SLC14A2: variants seen among roughly 807,000 people sequenced by gnomAD.
The protein encoded by SLC14A2 is urea transporter 2.
Under a neutral mutation model 104.6 loss-of-function variants are expected in SLC14A2, and 91 were observed. The ratio of observed to expected loss-of-function variants is 0.87; its 90% CI spans 0.73 to 1.04. SLC14A2 has a LOEUF of 1.04. Among genes scored for constraint, SLC14A2 ranks in the 50% least tolerant of loss-of-function variants. The pLI is 0.00. For missense variants in SLC14A2, 1,189 were observed against 1,156.0 expected (o/e 1.03, Z -0.41); for synonymous variants, 476 against 466.4 (o/e 1.02, Z -0.27).
At chr18:45,436,659 C>T (rs931548534) in intron 1 of SLC14A2, 2 of 152,090 alleles carry the variant, frequency 1.3e-5, no homozygotes, top group African/African-American at 2.4e-5. Context: ...ATTTTTGTTC[C>T]ATCACAGTGA....
chr18:45,663,506 A>T (rs1314281437), intron 10 of SLC14A2, among the ~76,000 whole-genome samples: 1 of 152,240 alleles, frequency 6.6e-6, no homozygotes, highest in Non-Finnish European at 1.5e-5. Context: ...AATGGGTCTT[A>T]GAGTGCTTCC....
intron 2 of SLC14A2, chr18:45,529,648 C>T (rs2043651269): frequency 6.6e-6 from 1 of 152,120 alleles, no homozygotes; most frequent in Non-Finnish European, 1.5e-5. Context: ...AGGCCCAAGA[C>T]TTAGGGTTGA....
chr18:45,499,991 C>T (rs977879175), intron 2 of SLC14A2, among the ~76,000 whole-genome samples: 4 of 152,134 alleles, frequency 2.6e-5, no homozygotes, highest in Admixed American at 1.3e-4. Context: ...CTATGCCTGA[C>T]GATAGAGCAT....
chr18:45,192,933 G>A, the SLC14A2 span, among the ~76,000 whole-genome samples: 1 of 151,902 alleles, frequency 6.6e-6, no homozygotes, highest in Non-Finnish European at 1.5e-5. Context: ...GGGATTATAG[G>A]CATGAACCAC....
At chr18:45,543,527 C>T (rs2043921660) in intron 2 of SLC14A2, among the ~76,000 whole-genome samples, 1 of 152,096 alleles carries the variant, frequency 6.6e-6, no homozygotes, top group African/African-American at 2.4e-5. Context: ...ATAAGTTTGT[C>T]CTTTGGAAAG....
chr18:45,270,590 G>T (rs1436769174), intron 1 of SLC14A2, among the ~76,000 whole-genome samples: 1 of 152,094 alleles, frequency 6.6e-6, no homozygotes, highest in Non-Finnish European at 1.5e-5. Context: ...GAACCCAGTT[G>T]TGCTTAGTTC....
intron 1 of SLC14A2, 85 bp from the exon 2 acceptor site, chr18:45,624,545 CA>C (rs2045229451): frequency 1.0e-6 from 1 of 963,358 alleles, no homozygotes; most frequent in Admixed American, 2.4e-5. Context: ...ACCCCCAGGA[CA>C]GACCTGAGGT....
chr18:45,591,926 G>T (rs911942034), intron 2 of SLC14A2, among the ~76,000 whole-genome samples: 1 of 152,222 alleles, frequency 6.6e-6, no homozygotes, highest in African/African-American at 2.4e-5. Context: ...TGGTAGACAT[G>T]GGGAAGCATG....
intron 1 of SLC14A2, among the ~76,000 whole-genome samples, chr18:45,262,305 A>G (rs921523862): frequency 6.6e-6 from 1 of 152,316 alleles, no homozygotes; most frequent in African/African-American, 2.4e-5. Flanking sequence ...GCTGGTCAGC[A>G]GTGGAATAGG....
chr18:45,656,629 G>A (rs17732049), intron 10 of SLC14A2, among the ~76,000 whole-genome samples: 49,193 of 152,022 alleles, frequency 0.32, 9,665 homozygotes, highest in Non-Finnish European at 0.43. Context: ...AAGTCATTCT[G>A]GAGAAAAATC....
intron 1 of SLC14A2, among the ~76,000 whole-genome samples, chr18:45,452,158 G>A (rs572507140): frequency 7.5e-4 from 114 of 152,322 alleles, no homozygotes; most frequent in Non-Finnish European, 1.4e-3. Flanking sequence ...GATCCTGGAT[G>A]AGAGGCAAGA....
chr18:45,576,504 C>T (rs536648053), intron 2 of SLC14A2, among the ~76,000 whole-genome samples: 1 of 151,884 alleles, frequency 6.6e-6, no homozygotes, highest in African/African-American at 2.4e-5. Flanking sequence ...AGGCTGGTCT[C>T]GAACTCCTGA....
chr18:45,290,574 C>G (rs959487703), intron 1 of SLC14A2, among the ~76,000 whole-genome samples: 1 of 152,154 alleles, frequency 6.6e-6, no homozygotes, highest in Non-Finnish European at 1.5e-5. Context: ...ACAGTAGGTA[C>G]CAGCCCCATG....
chr18:45,606,163 T>C (rs1221258132), intron 2 of SLC14A2, among the ~76,000 whole-genome samples: 1 of 152,130 alleles, frequency 6.6e-6, no homozygotes, highest in Non-Finnish European at 1.5e-5. Flanking sequence ...CTGGGCTATT[T>C]GAAATCCTTA....
intron 16 of SLC14A2, among the ~76,000 whole-genome samples, chr18:45,670,556 T>C (rs560935944): frequency 1.2e-4 from 19 of 152,336 alleles, no homozygotes; most frequent in South Asian, 2.1e-4. Flanking sequence ...GATGCCTCGT[T>C]TCTCTTAGCT....
At chr18:45,472,698 C>A (rs2087274336) in intron 1 of SLC14A2, among the ~76,000 whole-genome samples, 1 of 152,068 alleles carries the variant, frequency 6.6e-6, no homozygotes, top group Non-Finnish European at 1.5e-5. Context: ...CTGTCCATAT[C>A]CTTCGCCCAT....
chr18:45,291,941 C>T (rs2084873996), intron 1 of SLC14A2, among the ~76,000 whole-genome samples: 1 of 152,156 alleles, frequency 6.6e-6, no homozygotes, highest in African/African-American at 2.4e-5. Flanking sequence ...AGGTTCCCAT[C>T]TTGGCATGTG....
At chr18:45,175,094 C>G in the SLC14A2 span, among the ~76,000 whole-genome samples, 4 of 152,064 alleles carry the variant, frequency 2.6e-5, no homozygotes, top group Admixed American at 2.6e-4. Flanking sequence ...ATGCAAATAC[C>G]CTTTGACCTG....
intron 1 of SLC14A2, among the ~76,000 whole-genome samples, chr18:45,382,582 C>T (rs929212269): frequency 9.2e-5 from 14 of 152,162 alleles, no homozygotes; most frequent in Admixed American, 6.5e-5. Context: ...GATTTCCTAT[C>T]CTGAATTATA....
Sources: allele counts gnomAD v4.1 joint callset (sites outside exome capture counted in the v4.1 genomes callset), GRCh38; gene constraint gnomAD v4.1.1; transcripts MANE v1.5; gene names NCBI Gene and HGNC (gene_info 2026-07-23, HGNC 2026-07-21).